Variants in TTC28 observed in about 807,000 individuals in gnomAD.
TTC28 encodes tetratricopeptide repeat domain 28.
In TTC28, 61 loss-of-function variants were observed where a neutral mutation model predicts 198.0. The observed-to-expected ratio is 0.31, with a 90% confidence interval of 0.25 to 0.38. The LOEUF (loss-of-function observed/expected upper bound fraction) is 0.38, where lower values mean the gene tolerates loss of function less well. Ranked by LOEUF, TTC28 falls within the 10% of genes least tolerant of loss-of-function variation. The pLI is 1.00. For missense variants in TTC28, 2,678 were observed against 3,164.0 expected, an observed-to-expected ratio of 0.85 and a Z score of 3.69; for synonymous variants, 1,171 against 1,297.8, an observed-to-expected ratio of 0.90 and a Z score of 2.10.
intron 2 of TTC28, among the ~76,000 whole-genome samples, chr22:28,320,268 T>TC (rs1448910228): frequency 6.6e-6 from 1 of 151,992 alleles, no homozygotes; most frequent in Non-Finnish European, 1.5e-5. Flanking sequence ...CTCTAGGTTT[T>TC]TTTTTTTTTT....
intron 2 of TTC28, among the ~76,000 whole-genome samples, chr22:28,550,512 TAATCA>T (rs2049646856): frequency 6.6e-6 from 1 of 152,174 alleles, no homozygotes; most frequent in Non-Finnish European, 1.5e-5. Flanking sequence ...TGTTAAAGAC[TAATCA>T]AGTATTCATG....
chr22:28,065,828 G>A (rs2146754050), intron 12 of TTC28, among the ~76,000 whole-genome samples: 1 of 152,336 alleles, frequency 6.6e-6, no homozygotes, highest in South Asian at 2.1e-4. Flanking sequence ...TTAGAGAAGG[G>A]ATTTTGGCTT....
At chr22:28,660,778 C>T (rs1258771970) in intron 1 of TTC28, among the ~76,000 whole-genome samples, 2 of 150,232 alleles carry the variant, frequency 1.3e-5, no homozygotes, top group Non-Finnish European at 2.9e-5. Flanking sequence ...CCCACGTTGG[C>T]TTCCCAAAGT....
intron 2 of TTC28, among the ~76,000 whole-genome samples, chr22:28,575,380 A>C (rs925602174): frequency 9.2e-5 from 14 of 151,914 alleles, no homozygotes; most frequent in African/African-American, 3.4e-4. Flanking sequence ...CCATTGGTCT[A>C]TGTGTTTGTT....
intron 2 of TTC28, among the ~76,000 whole-genome samples, chr22:28,601,132 A>G (rs2050633219): frequency 6.6e-6 from 1 of 152,224 alleles, no homozygotes; most frequent in African/African-American, 2.4e-5. Flanking sequence ...CGTGTTTATT[A>G]TAAAACTAAT....
At chr22:28,041,980 T>G (rs1456657623) in intron 12 of TTC28, among the ~76,000 whole-genome samples, 1 of 151,684 alleles carries the variant, frequency 6.6e-6, no homozygotes, top group Non-Finnish European at 1.5e-5. Flanking sequence ...TATGAAAAAA[T>G]GCTCATCATC....
intron 5 of TTC28, among the ~76,000 whole-genome samples, chr22:28,210,327 C>T (rs923412824): frequency 1.1e-4 from 17 of 152,092 alleles, no homozygotes; most frequent in African/African-American, 3.9e-4. Flanking sequence ...TTCAGACGAT[C>T]GGTAATAACA....
chr22:28,215,943 CTT>C (rs1305629397), intron 5 of TTC28, among the ~76,000 whole-genome samples: 5 of 152,154 alleles, frequency 3.3e-5, no homozygotes, highest in Non-Finnish European at 7.4e-5. Flanking sequence ...TAAATTTTGA[CTT>C]GCTTAAAAAT....
chr22:28,445,212 A>G (rs998729200), intron 2 of TTC28, among the ~76,000 whole-genome samples: 3 of 152,210 alleles, frequency 2.0e-5, no homozygotes, highest in African/African-American at 7.2e-5. Flanking sequence ...ACAAACATAC[A>G]TTAAGTATCA....
Position 28,629,541 on chromosome 22 carries a change from A to G in TTC28, c.381+11T>C, listed in dbSNP as rs1410428179. 6.5e-7 allele frequency: 1 copy of G among 1,536,602 alleles called. No homozygotes were observed. On this transcript the variant is annotated intron_variant, in intron 2 of 22. Coordinates refer to ENST00000397906, the MANE Select transcript of TTC28 (RefSeq NM_001145418.2). ...CTATGAAAATAAATCTTCATAGGTA[A>G]AAATTTCTACCTTTGGCCACTTGGG...
At chr22:28,180,781 C>A (rs150260361) in intron 5 of TTC28, among the ~76,000 whole-genome samples, 337 of 152,292 alleles carry the variant, frequency 2.2e-3, no homozygotes, top group Admixed American at 3.6e-3. Flanking sequence ...AACTCACATC[C>A]ATGGCCTACA....
At chr22:28,250,044 T>C (rs1469480341) in intron 5 of TTC28, among the ~76,000 whole-genome samples, 1 of 152,202 alleles carries the variant, frequency 6.6e-6, no homozygotes, top group Non-Finnish European at 1.5e-5. Flanking sequence ...GAGAGGTGTC[T>C]AATGTAAGCA....
At chr22:28,015,350 G>A (rs1414466097) in intron 13 of TTC28, among the ~76,000 whole-genome samples, 2 of 147,868 alleles carry the variant, frequency 1.4e-5, no homozygotes, top group African/African-American at 5.0e-5. Flanking sequence ...TTCTGTGCCT[G>A]ATTACTGGAC....
chr22:28,628,955 AGAAAAGAAAGGAAAG>A (rs2051123045), intron 2 of TTC28, among the ~76,000 whole-genome samples: 1 of 151,914 alleles, frequency 6.6e-6, no homozygotes, highest in East Asian at 1.9e-4. Flanking sequence ...GGAAAGGAAA[AGAAAAGAAAGGAAAG>A]GAAAAGAAAG....
At position 28,210,950 on chromosome 22, in the gene TTC28, C is replaced by G. The variant is rs1479514478; in HGVS notation, c.934-47351G>C. Among the ~76,000 whole-genome samples the G allele has an allele frequency of 2.0e-5, 3 of 152,184 alleles. No individual in the cohort carries two copies. The East Asian group carries it at 5.8e-4, about 29-fold the overall frequency. The stretch of plus-strand genomic sequence containing the variant: ...AACAGCTGATCTCAGGACAGAAACT[C>G]TACAAGCCAGAAGAGAGTGAGGGCC... On this transcript the variant is annotated intron_variant, in intron 5 of 22. Transcript: ENST00000397906.
intron 2 of TTC28, among the ~76,000 whole-genome samples, chr22:28,584,016 G>GTTTTTTTTTTTTTTTTTT (rs67108156): frequency 7.5e-6 from 1 of 132,996 alleles, no homozygotes; most frequent in African/African-American, 2.8e-5. Flanking sequence ...GTTTTGTTTT[G>GTTTTTTTTTTTTTTTTTT]TTTTTTTTTT....
chr22:28,481,334 G>A (rs1001336098), intron 2 of TTC28, among the ~76,000 whole-genome samples: 1 of 152,098 alleles, frequency 6.6e-6, no homozygotes, highest in Non-Finnish European at 1.5e-5. Flanking sequence ...CATTTTCAGA[G>A]ATGCCTATAA....
At chr22:28,498,834 G>C (rs899359205) in intron 2 of TTC28, among the ~76,000 whole-genome samples, 2 of 152,112 alleles carry the variant, frequency 1.3e-5, no homozygotes, top group Non-Finnish European at 2.9e-5. Context: ...ATGTAGAGAA[G>C]TGTAATTTCT....
chr22:28,401,571 C>T (rs1300195962), intron 2 of TTC28, among the ~76,000 whole-genome samples: 2 of 152,024 alleles, frequency 1.3e-5, no homozygotes, highest in Non-Finnish European at 2.9e-5. Flanking sequence ...GCTGAGATCG[C>T]ACCACTGTAC....
Sources: gnomAD v4.1 joint callset for allele counts (sites outside exome capture counted in the v4.1 genomes callset) on GRCh38, gnomAD v4.1.1 for gene constraint, MANE v1.5 for transcripts, NCBI Gene and HGNC (gene_info 2026-07-23, HGNC 2026-07-21) for gene names.